Variants in TENM2 observed in about 807,000 individuals in gnomAD.
TENM2 encodes the protein teneurin-2.
In TENM2, 52 loss-of-function variants were observed where a neutral mutation model predicts 245.2. The observed-to-expected ratio is 0.21, with a 90% CI of 0.17 to 0.27. TENM2 has a LOEUF of 0.27. TENM2 is among the 10% of genes least tolerant of loss of function. The pLI is 1.00. For synonymous variants in TENM2, 1,363 were observed against 1,438.9 expected, an observed-to-expected ratio of 0.95 and a Z score of 1.19; for missense variants, 3,046 against 3,666.8, an observed-to-expected ratio of 0.83 and a Z score of 4.37.
the TENM2 span, among the ~76,000 whole-genome samples, chr5:167,214,237 T>C: frequency 6.6e-6 from 1 of 152,196 alleles, no homozygotes; most frequent in African/African-American, 2.4e-5. Context: ...ATATTGCATA[T>C]ACTCCTACCA....
intron 2 of TENM2, among the ~76,000 whole-genome samples, chr5:167,779,201 G>T (rs1764014747): frequency 6.6e-6 from 1 of 152,196 alleles, no homozygotes; most frequent in Non-Finnish European, 1.5e-5. Flanking sequence ...TGTGCTGCAT[G>T]TTGTAAGTAG....
chr5:167,325,750 A>C (rs929018383), intron 1 of TENM2, among the ~76,000 whole-genome samples: 8 of 152,236 alleles, frequency 5.3e-5, no homozygotes. Context: ...AATACTTACT[A>C]TGCATGTTCT....
chr5:167,529,273 A>C (rs1244197188), intron 2 of TENM2, among the ~76,000 whole-genome samples: 1 of 152,126 alleles, frequency 6.6e-6, no homozygotes, highest in Non-Finnish European at 1.5e-5. Context: ...CCCTCTTTCC[A>C]TCTGAGCCAG....
chr5:167,233,938 T>TAA, the TENM2 span, among the ~76,000 whole-genome samples: 15 of 151,150 alleles, frequency 9.9e-5, no homozygotes, highest in African/African-American at 1.9e-4. Flanking sequence ...AGGATGAAAA[T>TAA]AATAAAAAAA....
At chr5:167,484,658 A>G (rs1283751385) in intron 2 of TENM2, among the ~76,000 whole-genome samples, 1 of 152,190 alleles carries the variant, frequency 6.6e-6, no homozygotes, top group Non-Finnish European at 1.5e-5. Flanking sequence ...GTGTCTTACA[A>G]CAATGAACTA....
At chr5:167,741,229 C>A (rs1231938717) in intron 2 of TENM2, among the ~76,000 whole-genome samples, 1 of 152,176 alleles carries the variant, frequency 6.6e-6, no homozygotes, top group Non-Finnish European at 1.5e-5. Flanking sequence ...GTAAGCTCCA[C>A]AGACTTTGGC....
chr5:167,609,209 A>G (rs981898), intron 2 of TENM2, among the ~76,000 whole-genome samples: 1 of 151,814 alleles, frequency 6.6e-6, no homozygotes, highest in African/African-American at 2.4e-5. Context: ...ACACTACCAT[A>G]CCCATTGTAC....
At chr5:167,039,969 T>C in the TENM2 span, among the ~76,000 whole-genome samples, 1 of 152,184 alleles carries the variant, frequency 6.6e-6, no homozygotes, top group South Asian at 2.1e-4. Flanking sequence ...ACTCAAATAA[T>C]CTTCTGTTTC....
chr5:167,860,077 T>A (rs1392176473), intron 2 of TENM2, among the ~76,000 whole-genome samples: 3 of 19,320 alleles, frequency 1.6e-4, no homozygotes, highest in Admixed American at 1.0e-3. Context: ...TCAGCCCCCC[T>A]GCCCGGCCAG....
chr5:167,292,525 C>T (rs975825379), intron 1 of TENM2, among the ~76,000 whole-genome samples: 9 of 152,144 alleles, frequency 5.9e-5, no homozygotes, highest in Admixed American at 2.6e-4. Context: ...GCATTTCAAT[C>T]GCCTCCTTCC....
intron 2 of TENM2, among the ~76,000 whole-genome samples, chr5:167,614,171 A>G (rs769310503): frequency 2.0e-5 from 3 of 152,258 alleles, no homozygotes; most frequent in East Asian, 3.9e-4. Context: ...GGGTATGCCA[A>G]TCTTCTGATT....
chr5:168,043,642 C>G (rs988504194), intron 5 of TENM2, among the ~76,000 whole-genome samples: 3 of 152,202 alleles, frequency 2.0e-5, no homozygotes, highest in Non-Finnish European at 4.4e-5. Context: ...TAGCCTCAGA[C>G]AGGCTGCTGT....
chr5:167,384,605 G>T (rs1039010899), intron 2 of TENM2, among the ~76,000 whole-genome samples: 3 of 152,198 alleles, frequency 2.0e-5, no homozygotes, highest in Admixed American at 2.0e-4. Flanking sequence ...TGATCAAGCA[G>T]ATAATACAGA....
At chr5:167,034,252 C>G in the TENM2 span, among the ~76,000 whole-genome samples, 1 of 152,186 alleles carries the variant, frequency 6.6e-6, no homozygotes, top group East Asian at 1.9e-4. Context: ...TAAACTAATT[C>G]ATTGTCCTGC....
the TENM2 span, among the ~76,000 whole-genome samples, chr5:167,044,036 A>AGGAAG: frequency 0.16 from 20,397 of 128,438 alleles, 2,224 homozygotes; most frequent in Middle Eastern, 0.21. Flanking sequence ...TAGTAAGGAC[A>AGGAAG]GAAGGAAGGA....
intron 24 of TENM2, among the ~76,000 whole-genome samples, chr5:168,226,627 A>AT (rs1198055338): frequency 6.6e-6 from 1 of 151,982 alleles, no homozygotes; most frequent in Non-Finnish European, 1.5e-5. Context: ...CTCAAAGGCC[A>AT]TTTATTCTCC....
At chr5:167,960,857 T>G (rs1302276768) in intron 4 of TENM2, among the ~76,000 whole-genome samples, 1 of 152,210 alleles carries the variant, frequency 6.6e-6, no homozygotes, top group Non-Finnish European at 1.5e-5. Flanking sequence ...TCCTGGTCTG[T>G]GGGTTGTTAA....
At chr5:168,068,922 G>A (rs1159302350) in intron 7 of TENM2, among the ~76,000 whole-genome samples, 2 of 151,846 alleles carry the variant, frequency 1.3e-5, no homozygotes, top group Admixed American at 6.6e-5. Context: ...AACAAAGAGA[G>A]GATACAGATG....
At chr5:167,731,615 T>C (rs1760442537) in intron 2 of TENM2, among the ~76,000 whole-genome samples, 2 of 152,068 alleles carry the variant, frequency 1.3e-5, no homozygotes, top group African/African-American at 4.8e-5. Flanking sequence ...ACTATTTTGT[T>C]TCTGCCATCC....
Sources: allele counts gnomAD v4.1 joint callset (sites outside exome capture counted in the v4.1 genomes callset), GRCh38; gene constraint gnomAD v4.1.1; transcripts MANE v1.5; gene names NCBI Gene and HGNC (gene_info 2026-07-23, HGNC 2026-07-21).